DNAJC11: variants seen among roughly 807,000 people sequenced by gnomAD.
DNAJC11 encodes the protein dnaJ homolog subfamily C member 11.
Under a neutral mutation model 78.6 loss-of-function variants are expected in DNAJC11, and 15 were observed. The ratio of observed to expected loss-of-function variants is 0.19; its 90% CI spans 0.13 to 0.29. The LOEUF is 0.29. Ranked by LOEUF, DNAJC11 falls within the 10% of genes least tolerant of loss-of-function variation. The pLI is 1.00. For missense variants in DNAJC11, 547 were observed against 709.6 expected, an observed-to-expected ratio of 0.77 and a Z score of 2.60; for synonymous variants, 292 against 272.1, an observed-to-expected ratio of 1.07 and a Z score of -0.72.
Position 6,635,393 on chromosome 1 carries a change from G to A in DNAJC11, c.*282C>T, listed in dbSNP as rs1405565970. On this transcript the variant is annotated 3_prime_UTR_variant, in exon 16 of 16. Transcript: ENST00000377577. ...TCAGCACGTGTGCTCGGGACACAGC[G>A]GAGTCAGGGCCAGAGCCCTTCCCTC... 2.0e-5 allele frequency: 8 copies of A among 404,860 alleles called. No individual in the cohort carries two copies. Among genetic ancestry groups the A allele is most frequent in the Admixed American group, 3.8e-5 (1 of 26,530 alleles). 25.1% of individuals were successfully genotyped at this position (404,860 alleles called of 1,614,324 possible). A position where few individuals can be genotyped will look rare whatever the true frequency, so the allele number is the denominator to read the frequency against.
chr1:6,679,101 G>A (rs1014761642), intron 2 of DNAJC11, among the ~76,000 whole-genome samples: 3 of 152,268 alleles, frequency 2.0e-5, no homozygotes, highest in Non-Finnish European at 2.9e-5. Flanking sequence ...GGACATGAAC[G>A]TTGTTTTTAA....
At chr1:6,652,720 C>A (rs1050554659) in intron 6 of DNAJC11, 109 bp downstream of exon 6, 1 of 1,466,746 alleles carries the variant, frequency 6.8e-7, no homozygotes, top group African/African-American at 1.4e-5. Context: ...ACCGTTCTTA[C>A]ACAACAACGG....
At chr1:6,639,569 T>A (rs1261702028) in intron 11 of DNAJC11, among the ~76,000 whole-genome samples, 1 of 151,840 alleles carries the variant, frequency 6.6e-6, no homozygotes, top group Non-Finnish European at 1.5e-5. Flanking sequence ...TCACCTCGGG[T>A]AATCCACCTG....
intron 4 of DNAJC11, among the ~76,000 whole-genome samples, chr1:6,667,456 A>T (rs1642309942): frequency 1.3e-5 from 2 of 152,016 alleles, no homozygotes; most frequent in African/African-American, 4.8e-5. Flanking sequence ...TTCTGGAAAA[A>T]ACAGGGGACT....
At chr1:6,663,841 G>C (rs1165661093) in intron 4 of DNAJC11, among the ~76,000 whole-genome samples, 2 of 152,204 alleles carry the variant, frequency 1.3e-5, no homozygotes, top group South Asian at 4.1e-4. Flanking sequence ...GGGGTCCAAA[G>C]ACTCAACCCA....
chr1:6,645,248 C>A lies in DNAJC11; in HGVS notation c.895-122G>T. 1 of 725,788 alleles carries A rather than the reference C, an allele frequency of 1.4e-6. No homozygotes were observed. The highest frequency in any genetic ancestry group is 2.4e-6 in the Non-Finnish European group (1 of 412,622). The allele number at this position is 725,788 out of a possible 1,614,324, so 45.0% of individuals were successfully genotyped here. ...ACACAGGCCTTTAAGGCAGGGGTCA[C>A]GGTCTGGCAGCCGCAGTGAGTGCAC... On this transcript the variant is annotated intron_variant, in intron 8 of 15. Transcript: ENST00000377577. The surrounding 1 kb of genome is among the most constrained non-coding windows in gnomAD (Gnocchi z 4.1).
At chr1:6,690,829 C>A (rs1642733711) in intron 1 of DNAJC11, among the ~76,000 whole-genome samples, 1 of 152,156 alleles carries the variant, frequency 6.6e-6, no homozygotes, top group South Asian at 2.1e-4. Flanking sequence ...GAGGCTGAGG[C>A]AGGAGAATGG....
intron 1 of DNAJC11, among the ~76,000 whole-genome samples, chr1:6,681,792 AGAGGCCTTGG>A (rs1642557350): frequency 6.6e-6 from 1 of 152,140 alleles, no homozygotes; most frequent in Non-Finnish European, 1.5e-5. Context: ...AGGGCCCCTC[AGAGGCCTTGG>A]GACACTGAGC....
At chr1:6,646,050 C>G (rs773437615) in intron 7 of DNAJC11, 72 bp from the exon 8 acceptor site, 2 of 1,508,324 alleles carry the variant, frequency 1.3e-6, no homozygotes, top group Non-Finnish European at 1.8e-6. Flanking sequence ...TTCCTCTCTG[C>G]CTGGCTAAGA....
In DNAJC11 at chr1:6,686,280, A is replaced by G. The variant is rs1409417950; in HGVS notation, c.73-5243T>C. ...AACTTAAGAATGTAATAACTTAAGA[A>G]TGTAAAGGAATCCTAACACCAAATA... is the stretch of plus-strand genomic sequence containing the variant. On this transcript the variant is annotated intron_variant, in intron 1 of 15. Transcript: ENST00000377577. Among the ~76,000 whole-genome samples the G allele has an allele frequency of 2.0e-5, 3 of 152,258 alleles. No individual in the cohort carries two copies. In the East Asian group the frequency reaches 5.8e-4, roughly 29 times the overall value.
chr1:6,652,195 C>A (rs189242255), intron 6 of DNAJC11, among the ~76,000 whole-genome samples: 1 of 152,204 alleles, frequency 6.6e-6, no homozygotes, highest in Non-Finnish European at 1.5e-5. Flanking sequence ...TCAATTTGCT[C>A]GGCAGAACTG....
chr1:6,685,718 GA>G (rs1253200929), intron 1 of DNAJC11, among the ~76,000 whole-genome samples: 1 of 152,158 alleles, frequency 6.6e-6, no homozygotes, highest in East Asian at 1.9e-4. Context: ...TTGTTCTCTG[GA>G]ACCCACCTTT....
rs781667741 is a variant in DNAJC11, at chr1:6,637,328, A to C, written c.1394T>G (p.Val465Gly). The C allele has an allele frequency of 1.2e-6, 2 of 1,614,194 alleles. No homozygotes were observed. The highest frequency in any genetic ancestry group is 1.7e-6 in the Non-Finnish European group (2 of 1,180,030). ...GACAAACTTCCCGTACCAGGCATTG[A>C]CGATGATGAGGCCTAAGGACAGACT... ...AEESRMGLII[V>G]NAWYGKFVND... The change falls in exon 14 of 16, where the codon GTC (valine) becomes GGC (glycine). Residue 465 changes from valine (V) to glycine (G), a missense_variant. By Grantham distance (109) the Val-to-Gly change is moderately radical (BLOSUM62 -3). Transcript: ENST00000377577.
At chr1:6,654,682 G>T (rs115272393) in intron 4 of DNAJC11, among the ~76,000 whole-genome samples, 1 of 151,946 alleles carries the variant, frequency 6.6e-6, no homozygotes, top group African/African-American at 2.4e-5. Context: ...CTTTAAAAAC[G>T]GACATTATCT....
chr1:6,681,525 C>CT (rs1475505183), intron 1 of DNAJC11, among the ~76,000 whole-genome samples: 1 of 152,228 alleles, frequency 6.6e-6, no homozygotes, highest in Admixed American at 6.5e-5. Context: ...AATGCAACCT[C>CT]TAATTCCAGA....
rs1489959288 is a variant in DNAJC11 at position 6,653,443 on chromosome 1, G to A, written c.507+468C>T. Among the ~76,000 whole-genome samples the A allele has an allele frequency of 2.6e-5, 4 of 152,278 alleles. No homozygotes were observed. In the South Asian group the frequency reaches 6.2e-4, roughly 24 times the overall value. ...GAGGAGACAAAGACCTACTATAAAC[G>A]CTCAGGAGAATGACCTGACCTCGTC... On this transcript the variant is annotated intron_variant, in intron 5 of 15. Coordinates refer to ENST00000377577, the MANE Select transcript of DNAJC11 (RefSeq NM_018198.4). The surrounding 1 kb of genome is among the most constrained non-coding windows in gnomAD (Gnocchi z 4.5).
intron 1 of DNAJC11, among the ~76,000 whole-genome samples, chr1:6,701,329 C>T (rs1021244580): frequency 6.6e-6 from 1 of 152,166 alleles, no homozygotes; most frequent in Non-Finnish European, 1.5e-5. Flanking sequence ...CGCCATCCTG[C>T]TGGCGGCGGG....
intron 1 of DNAJC11, among the ~76,000 whole-genome samples, chr1:6,687,780 C>G (rs1642681178): frequency 6.6e-6 from 1 of 152,084 alleles, no homozygotes; most frequent in South Asian, 2.1e-4. Flanking sequence ...TGGGATTCAT[C>G]GTCAAACAGA....
chr1:6,640,370 G>A (rs748479506), intron 10 of DNAJC11, among the ~76,000 whole-genome samples: 1 of 152,216 alleles, frequency 6.6e-6, no homozygotes, highest in Non-Finnish European at 1.5e-5. Context: ...GAGAGGACAG[G>A]AATGGGCTCC....
Sources: gnomAD v4.1 joint callset for allele counts (sites outside exome capture counted in the v4.1 genomes callset) on GRCh38, gnomAD v4.1.1 for gene constraint, Gnocchi (gnomAD v3.1) non-coding constraint, MANE v1.5 for transcripts, NCBI Gene and HGNC (gene_info 2026-07-23, HGNC 2026-07-21) for gene names.